Variants in ASB8 observed in about 807,000 individuals in gnomAD.
ASB8 encodes the protein ankyrin repeat and SOCS box containing 8.
A neutral mutation model predicts 22.9 loss-of-function variants in ASB8; 15 were observed. The ratio of observed to expected loss-of-function variants is 0.66; its 90% CI spans 0.44 to 1.01. The LOEUF (loss-of-function observed/expected upper bound fraction) is 1.01, where lower values mean the gene tolerates loss of function less well. ASB8 is among the 50% of genes least tolerant of loss of function. ASB8 has a pLI of 0.00. For missense variants in ASB8, 294 were observed against 356.9 expected (o/e 0.82, Z 1.42); for synonymous variants, 124 against 140.8 (o/e 0.88, Z 0.84).
intron 3 of ASB8, chr12:48,150,803 T>G: frequency 4.0e-6 from 1 of 251,504 alleles, no homozygotes; most frequent in Admixed American, 4.9e-5. Context: ...GTACTTTAGA[T>G]TTAATCAGAG....
chr12:48,151,544 G>C lies in ASB8; in HGVS notation c.130-239C>G, dbSNP rs529152289. 947 of 1,440,076 alleles carry C rather than the reference G, an allele frequency of 6.6e-4. 2 individuals carry two copies. The highest frequency in any genetic ancestry group is 6.3e-3 in the Middle Eastern group (36 of 5,736). The allele number at this position is 1,440,076 out of a possible 1,614,324, so 89.2% of individuals were successfully genotyped here. A position where few individuals can be genotyped will look rare whatever the true frequency, so the allele number is the denominator to read the frequency against. ...ATCAAGTTACTAAGTTTCTCCACAAGGGAGGCTGCCAGATGGTCACCTGGA... is the reference window on the plus strand; with the variant it reads ...ATCAAGTTACTAAGTTTCTCCACAACGGAGGCTGCCAGATGGTCACCTGGA... On this transcript the variant is annotated intron_variant, in intron 2 of 3. Transcript: ENST00000317697.
Position 48,149,725 on chromosome 12 carries a change from G to A in ASB8, c.508C>T (p.Leu170Phe). Residue 170 changes from leucine (L) to phenylalanine (F), a missense_variant, in exon 4 of 4, where the codon CTT becomes TTT. Coordinates refer to ENST00000317697, the MANE Select transcript of ASB8 (RefSeq NM_024095.5). ...CTGACCTCTGCGCCATAATCCAGAA[G>A]GATGCTGACACTCTCAAGATTTCCC... ...MKGNLESVSILLDYGAEVRVI... is the reference protein window; with the variant it reads ...MKGNLESVSIFLDYGAEVRVI... 1 of 1,614,158 alleles carries A rather than the reference G, an allele frequency of 6.2e-7. No homozygotes were observed. Among genetic ancestry groups the A allele is most frequent in the African/African-American group, 1.3e-5 (1 of 75,048 alleles).
At chr12:48,154,443 C>CG (rs1951259827) in intron 1 of ASB8, among the ~76,000 whole-genome samples, 3 of 138,038 alleles carry the variant, frequency 2.2e-5, no homozygotes, top group Admixed American at 7.6e-5. Context: ...ATCGGGCCAC[C>CG]GCACTCCAGC....
chr12:48,151,473 AAAG>A (rs1951202026), intron 2 of ASB8, 168 bp from the exon 3 acceptor site: 1 of 1,053,312 alleles, frequency 9.5e-7, no homozygotes, highest in Non-Finnish European at 1.4e-6. Context: ...TGTCCAAACC[AAAG>A]GAGTACACTG....
At chr12:48,153,569 G>GCACA (rs1466554090) in intron 1 of ASB8, 40 bp from the exon 2 acceptor site, 1 of 1,524,704 alleles carries the variant, frequency 6.6e-7, no homozygotes, top group East Asian at 2.3e-5. Context: ...ATATCACTGA[G>GCACA]CACACCTGTC....
intron 3 of ASB8, 89 bp downstream of exon 3, chr12:48,151,112 G>C: frequency 1.0e-6 from 1 of 990,044 alleles, no homozygotes. Flanking sequence ...GAGGAGGGAA[G>C]AGATGGAGGA....
intron 3 of ASB8, chr12:48,150,278 A>T: frequency 1.5e-6 from 1 of 677,426 alleles, no homozygotes; most frequent in Non-Finnish European, 2.7e-6. Flanking sequence ...TCTTTTATCT[A>T]TTCATTAGAA....
intron 1 of ASB8, among the ~76,000 whole-genome samples, chr12:48,156,632 A>C (rs1239362042): frequency 6.6e-6 from 1 of 152,018 alleles, no homozygotes; most frequent in Non-Finnish European, 1.5e-5. Context: ...AATTAAAATA[A>C]ATAAATAAAG....
chr12:48,154,353 C>T (rs1293977523), intron 1 of ASB8, among the ~76,000 whole-genome samples: 1 of 151,526 alleles, frequency 6.6e-6, no homozygotes, highest in African/African-American at 2.4e-5. Flanking sequence ...TGGTGGTGGG[C>T]GCCTGTAGTC....
At chr12:48,156,210 A>G (rs1951301428) in intron 1 of ASB8, among the ~76,000 whole-genome samples, 1 of 152,196 alleles carries the variant, frequency 6.6e-6, no homozygotes. Flanking sequence ...AAAAATATTC[A>G]TATGTATCGA....
At chr12:48,150,419 T>C (rs1000163306) in intron 3 of ASB8, among the ~76,000 whole-genome samples, 51 of 152,284 alleles carry the variant, frequency 3.3e-4, no homozygotes, top group African/African-American at 1.2e-3. Context: ...TGACCCTTTC[T>C]GTACCCTGTG....
intron 1 of ASB8, among the ~76,000 whole-genome samples, chr12:48,154,480 CAAAA>C (rs11384481): frequency 1.4e-5 from 1 of 73,810 alleles, no homozygotes. Flanking sequence ...GACTCTATCT[CAAAA>C]AAAAAAAAAA....
At chr12:48,154,443 C>T (rs1390823351) in intron 1 of ASB8, among the ~76,000 whole-genome samples, 9 of 138,110 alleles carry the variant, frequency 6.5e-5, no homozygotes, top group African/African-American at 1.1e-4. Flanking sequence ...ATCGGGCCAC[C>T]GCACTCCAGC....
At chr12:48,156,446 C>G (rs1041049342) in intron 1 of ASB8, among the ~76,000 whole-genome samples, 2 of 151,874 alleles carry the variant, frequency 1.3e-5, no homozygotes, top group Non-Finnish European at 2.9e-5. Context: ...AGAATGGCAG[C>G]AGAAGACAGA....
intron 2 of ASB8, among the ~76,000 whole-genome samples, chr12:48,152,561 A>C (rs1000552689): frequency 6.6e-6 from 1 of 152,236 alleles, no homozygotes; most frequent in Non-Finnish European, 1.5e-5. Flanking sequence ...TTCTTAAACT[A>C]TAATTACCAT....
intron 3 of ASB8, chr12:48,150,924 A>G (rs1045260696): frequency 1.1e-5 from 6 of 551,328 alleles, no homozygotes; most frequent in African/African-American, 1.9e-5. Context: ...ATGGCCAGTG[A>G]CAGCTTAAGT....
intron 1 of ASB8, 124 bp from the exon 2 acceptor site, chr12:48,153,653 A>G (rs1951240043): frequency 1.4e-6 from 1 of 696,640 alleles, no homozygotes; most frequent in East Asian, 3.1e-5. Flanking sequence ...TACTATTTCC[A>G]TAATCATAAG....
In ASB8 at chr12:48,153,482, C is replaced by T; in HGVS notation, c.15G>A (p.Met5Ile). Residue 5 changes from methionine (M) to isoleucine (I), a missense_variant, in exon 2 of 4, where the codon ATG (methionine) becomes ATA (isoleucine). Physicochemically the swap from Met to Ile is conservative, Grantham distance 10. Transcript: ENST00000317697. ...TCTGAATGCTCTGCATAATATACCACATACTGGAACTCATCAAGGCTCAAG... is the reference window on the plus strand; with the variant it reads ...TCTGAATGCTCTGCATAATATACCATATACTGGAACTCATCAAGGCTCAAG... The part of the protein sequence containing the change: MSSS[M>I]WYIMQSIQSK... The T allele has an allele frequency of 6.2e-7, 1 of 1,613,924 alleles. No individual in the cohort carries two copies. The highest frequency in any genetic ancestry group is 8.5e-7 in the Non-Finnish European group (1 of 1,179,852).
intron 2 of ASB8, 161 bp downstream of exon 2, chr12:48,153,207 A>G (rs1024467349): frequency 1.2e-6 from 1 of 830,476 alleles, no homozygotes; most frequent in Non-Finnish European, 1.9e-6. Flanking sequence ...AAGCGAAGCA[A>G]ACATAGGGGA....
Sources: gnomAD v4.1 joint callset for allele counts (sites outside exome capture counted in the v4.1 genomes callset) on GRCh38, gnomAD v4.1.1 for gene constraint, MANE v1.5 for transcripts, NCBI Gene and HGNC (gene_info 2026-07-23, HGNC 2026-07-21) for gene names.